CLNK: variants seen among roughly 807,000 people sequenced by gnomAD.
CLNK encodes the protein cytokine dependent hematopoietic cell linker, also known as cytokine-dependent hematopoietic cell linker.
CLNK carries 74 observed loss-of-function variants against 68.6 expected under a neutral mutation model. The ratio of observed to expected loss-of-function variants is 1.08; its 90% CI spans 0.89 to 1.31. The LOEUF (loss-of-function observed/expected upper bound fraction) is 1.31. CLNK is among the 50% of genes most tolerant of loss of function. The pLI is 0.00. For missense variants in CLNK, 553 were observed against 515.3 expected (o/e 1.07, Z -0.71); for synonymous variants, 198 against 172.2 (o/e 1.15, Z -1.17).
At chr4:10,717,366 C>A in the CLNK span, among the ~76,000 whole-genome samples, 1 of 152,138 alleles carries the variant, frequency 6.6e-6, no homozygotes, top group African/African-American at 2.4e-5. Context: ...GAGGCCGAGG[C>A]GGACAGATCA....
intron 2 of CLNK, among the ~76,000 whole-genome samples, chr4:10,663,973 C>G (rs988187739): frequency 2.6e-5 from 4 of 152,286 alleles, no homozygotes; most frequent in African/African-American, 9.6e-5. Context: ...ACTAAATCTG[C>G]TAGCCCCATG....
chr4:10,532,476 C>T (rs116820299), intron 11 of CLNK, among the ~76,000 whole-genome samples, 193 bp from the exon 12 acceptor site: 2,374 of 152,164 alleles, frequency 0.016, 31 homozygotes, highest in Middle Eastern at 0.041. Flanking sequence ...AAGGAAAAGA[C>T]AAAGTTAAGA....
intron 3 of CLNK, among the ~76,000 whole-genome samples, chr4:10,591,789 T>C (rs1721187730): frequency 6.6e-6 from 1 of 152,260 alleles, no homozygotes; most frequent in Non-Finnish European, 1.5e-5. Context: ...TGAAATTCAC[T>C]CTGAGGTGGA....
chr4:10,505,885 A>G (rs1369153335), intron 17 of CLNK, among the ~76,000 whole-genome samples: 1 of 152,246 alleles, frequency 6.6e-6, no homozygotes, highest in Non-Finnish European at 1.5e-5. Flanking sequence ...GATTCTGTTT[A>G]TCATAGCAAC....
At chr4:10,658,443 G>C (rs528167253) in intron 2 of CLNK, among the ~76,000 whole-genome samples, 11 of 152,302 alleles carry the variant, frequency 7.2e-5, no homozygotes, top group African/African-American at 2.4e-4. Context: ...ACGACGGTTT[G>C]TTTTTATCTC....
intron 2 of CLNK, among the ~76,000 whole-genome samples, chr4:10,637,545 A>T (rs1560255821): frequency 7.0e-6 from 1 of 143,064 alleles, no homozygotes; most frequent in Non-Finnish European, 1.5e-5. Context: ...CTACCTCTCC[A>T]AAAGACTCCC....
chr4:10,561,576 A>G (rs1719889168), intron 7 of CLNK, among the ~76,000 whole-genome samples: 1 of 152,192 alleles, frequency 6.6e-6, no homozygotes, highest in African/African-American at 2.4e-5. Flanking sequence ...TTTTTAGTTC[A>G]GCGTTCTCTA....
chr4:10,615,723 G>A (rs1024138472), intron 2 of CLNK, among the ~76,000 whole-genome samples: 3 of 152,146 alleles, frequency 2.0e-5, no homozygotes, highest in African/African-American at 7.2e-5. Flanking sequence ...CTTTACAGTG[G>A]TGCTATGATG....
At chr4:10,520,953 T>C in intron 14 of CLNK, 122 bp from the exon 15 acceptor site, 1 of 711,394 alleles carries the variant, frequency 1.4e-6, no homozygotes, top group South Asian at 1.6e-5. Flanking sequence ...CTTTATATTT[T>C]ACTGGATATG....
At chr4:10,646,335 C>A (rs1723510620) in intron 2 of CLNK, among the ~76,000 whole-genome samples, 1 of 152,096 alleles carries the variant, frequency 6.6e-6, no homozygotes. Context: ...GAACTAAAGG[C>A]TGAATTTTGT....
chr4:10,684,815 A>G (rs1040844240), upstream of CLNK: 9 of 152,168 alleles, frequency 5.9e-5, no homozygotes, highest in African/African-American at 2.2e-4. Context: ...CCTTCAGCAG[A>G]AAACCTCCTG....
chr4:10,696,067 G>C, the CLNK span, among the ~76,000 whole-genome samples: 96 of 152,190 alleles, frequency 6.3e-4, no homozygotes, highest in African/African-American at 2.3e-3. Context: ...TGTTGGCCGG[G>C]CTAGTCTCAA....
At chr4:10,650,636 T>G (rs369182989) in intron 2 of CLNK, among the ~76,000 whole-genome samples, 1 of 152,164 alleles carries the variant, frequency 6.6e-6, no homozygotes, top group African/African-American at 2.4e-5. Context: ...GTCTAATAAA[T>G]TCTAATGAAG....
the CLNK span, among the ~76,000 whole-genome samples, chr4:10,699,208 C>CACACACACACACCACGTATGTGTGTGT: frequency 6.7e-6 from 1 of 148,192 alleles, no homozygotes; most frequent in African/African-American, 2.5e-5. Context: ...TAAACACACA[C>CACACACACACACCACGTATGTGTGTGT]ATACACACCA....
At chr4:10,719,725 T>C in the CLNK span, among the ~76,000 whole-genome samples, 3 of 152,150 alleles carry the variant, frequency 2.0e-5, no homozygotes, top group Non-Finnish European at 4.4e-5. Flanking sequence ...TAGCATCGAA[T>C]CAACCTTTGT....
chr4:10,624,273 A>T (rs2720362), intron 2 of CLNK, among the ~76,000 whole-genome samples: 103,852 of 152,150 alleles, frequency 0.68, 36,396 homozygotes, highest in East Asian at 0.77. Flanking sequence ...GCCATGTTAA[A>T]CAGTAGATAT....
chr4:10,577,037 T>G (rs796721546), intron 4 of CLNK, among the ~76,000 whole-genome samples: 11 of 152,312 alleles, frequency 7.2e-5, no homozygotes, highest in African/African-American at 2.6e-4. Flanking sequence ...AATCCTGAAC[T>G]GGAAGAATTC....
the CLNK span, among the ~76,000 whole-genome samples, chr4:10,696,010 C>G: frequency 2.6e-5 from 4 of 152,144 alleles, no homozygotes; most frequent in African/African-American, 9.6e-5. Context: ...TGCCTACCAC[C>G]CTGCCTGGTA....
intron 2 of CLNK, among the ~76,000 whole-genome samples, chr4:10,665,181 C>A (rs1443735799): frequency 6.6e-6 from 1 of 152,222 alleles, no homozygotes; most frequent in African/African-American, 2.4e-5. Context: ...CTCTGGCCTA[C>A]GCATTGCCAG....
Sources: gnomAD v4.1 joint callset for allele counts (sites outside exome capture counted in the v4.1 genomes callset) on GRCh38, gnomAD v4.1.1 for gene constraint, MANE v1.5 for transcripts, NCBI Gene and HGNC (gene_info 2026-07-23, HGNC 2026-07-21) for gene names.